The following ATG7 variants were observed in gnomAD, a reference collection of about 807,000 sequenced individuals.
ATG7 encodes the protein autophagy related 7.
In ATG7, 70 loss-of-function variants were observed where a neutral mutation model predicts 82.4. That is an observed-to-expected ratio of 0.85 (90% CI 0.70 to 1.04). The LOEUF is 1.04. Ranked by LOEUF, ATG7 falls within the 50% of genes least tolerant of loss-of-function variation. ATG7 has a pLI of 0.00. For missense variants in ATG7, 792 were observed against 864.3 expected (o/e 0.92, Z 1.05); for synonymous variants, 287 against 313.0 (o/e 0.92, Z 0.88).
At chr3:11,396,405 C>T (rs2079277319) in intron 19 of ATG7, among the ~76,000 whole-genome samples, 1 of 151,976 alleles carries the variant, frequency 6.6e-6, no homozygotes, top group South Asian at 2.1e-4. Context: ...GTGCCCTGTA[C>T]CCCAGCCTGA....
intron 20 of ATG7, among the ~76,000 whole-genome samples, chr3:11,475,735 A>C (rs2088091313): frequency 6.6e-6 from 1 of 152,114 alleles, no homozygotes; most frequent in African/African-American, 2.4e-5. Flanking sequence ...TTGAATTCCT[A>C]TACCTGCTAG....
intron 18 of ATG7, among the ~76,000 whole-genome samples, chr3:11,370,036 T>G (rs1297939293): frequency 6.6e-6 from 1 of 151,090 alleles, no homozygotes; most frequent in African/African-American, 2.4e-5. Flanking sequence ...TTTATATCTG[T>G]AAAATGGGGA....
chr3:11,363,052 A>AAACAAG, intron 17 of ATG7, 124 bp downstream of exon 17: 1 of 846,546 alleles, frequency 1.2e-6, no homozygotes, highest in East Asian at 2.8e-5. Context: ...ACCCTCAAAA[A>AAACAAG]AACAAGACTA....
intron 14 of ATG7, among the ~76,000 whole-genome samples, chr3:11,354,661 AAAAAAAAAAAAAAAGATGTTGGATT>A (rs1357660799): frequency 1.3e-5 from 2 of 151,670 alleles, no homozygotes; most frequent in African/African-American, 4.8e-5. Context: ...AAAAAAAAAA[AAAAAAAAAAAAAAAGATGTTGGATT>A]ATGGAGCCAC....
At chr3:11,423,850 T>C (rs1001716976) in intron 19 of ATG7, among the ~76,000 whole-genome samples, 1 of 152,200 alleles carries the variant, frequency 6.6e-6, no homozygotes, top group African/African-American at 2.4e-5. Context: ...TTGATCCTTA[T>C]TCTGCCAGTC....
At chr3:11,338,858 C>T (rs922690471) in intron 11 of ATG7, among the ~76,000 whole-genome samples, 22 of 152,018 alleles carry the variant, frequency 1.4e-4, no homozygotes, top group African/African-American at 4.8e-4. Context: ...AACAAAAGAT[C>T]GTGTAAAGGA....
At chr3:11,293,556 G>A (rs1287979418) in intron 3 of ATG7, among the ~76,000 whole-genome samples, 2 of 146,324 alleles carry the variant, frequency 1.4e-5, no homozygotes, top group Non-Finnish European at 3.0e-5. Context: ...AAGAAAGAAA[G>A]TGAATGACTG....
At chr3:11,521,564 T>G (rs1399290214) in intron 20 of ATG7, among the ~76,000 whole-genome samples, 2 of 151,032 alleles carry the variant, frequency 1.3e-5, no homozygotes, top group African/African-American at 4.9e-5. Flanking sequence ...TTTGTTTTTT[T>G]TTTTTTAAGA....
intron 20 of ATG7, among the ~76,000 whole-genome samples, chr3:11,465,082 A>C (rs1187549847): frequency 1.1e-5 from 1 of 90,848 alleles, no homozygotes; most frequent in Non-Finnish European, 2.2e-5. Flanking sequence ...ATCTCTAAAA[A>C]CCTAAAGTGT....
intron 20 of ATG7, among the ~76,000 whole-genome samples, chr3:11,515,944 T>G (rs1334661520): frequency 1.3e-5 from 2 of 151,240 alleles, no homozygotes; most frequent in Non-Finnish European, 2.9e-5. Context: ...TTGGGTAGTG[T>G]GTGCTGAAGA....
chr3:11,293,933 G>A (rs544160794), intron 3 of ATG7, among the ~76,000 whole-genome samples: 3 of 149,664 alleles, frequency 2.0e-5, no homozygotes, highest in Non-Finnish European at 4.4e-5. Context: ...CAGGAGAATC[G>A]CTTGAACCTG....
intron 20 of ATG7, among the ~76,000 whole-genome samples, chr3:11,462,868 T>C (rs1290616140): frequency 6.7e-6 from 1 of 148,496 alleles, no homozygotes; most frequent in African/African-American, 2.5e-5. Context: ...TTTATTTATT[T>C]ATTTATTTAT....
intron 20 of ATG7, among the ~76,000 whole-genome samples, chr3:11,549,688 C>T (rs975879522): frequency 1.1e-4 from 17 of 152,230 alleles, no homozygotes; most frequent in African/African-American, 4.1e-4. Flanking sequence ...CTGAGTAAGA[C>T]TGCTGCGGAC....
At chr3:11,414,884 G>C (rs1054232058) in intron 19 of ATG7, among the ~76,000 whole-genome samples, 1 of 152,208 alleles carries the variant, frequency 6.6e-6, no homozygotes, top group Non-Finnish European at 1.5e-5. Flanking sequence ...AACCAGGCTT[G>C]TGCACCTGGG....
chr3:11,492,883 G>C (rs1160264306), intron 20 of ATG7, among the ~76,000 whole-genome samples: 1 of 152,226 alleles, frequency 6.6e-6, no homozygotes, highest in Non-Finnish European at 1.5e-5. Flanking sequence ...CCAGGTGGGG[G>C]TGCCTGAAAC....
At chr3:11,444,342 G>T (rs943816221) in intron 20 of ATG7, among the ~76,000 whole-genome samples, 16 of 152,114 alleles carry the variant, frequency 1.1e-4, no homozygotes, top group Non-Finnish European at 1.6e-4. Flanking sequence ...CTCCTAGGGG[G>T]ATAATTTAAT....
intron 20 of ATG7, among the ~76,000 whole-genome samples, chr3:11,477,610 A>AG (rs2088404077): frequency 6.6e-6 from 1 of 152,240 alleles, no homozygotes; most frequent in Non-Finnish European, 1.5e-5. Flanking sequence ...TCCAAAGTTA[A>AG]GATGGCCCTC....
rs539946500 is a variant in ATG7, at chr3:11,347,886, G to A, written c.1135G>A (p.Val379Met). 1.3e-5 allele frequency: 21 copies of A among 1,613,766 alleles called. No homozygotes were observed. Among genetic ancestry groups the A allele is most frequent in the Middle Eastern group, 1.7e-4 (1 of 6,036 alleles). ...NVARTLMGWG[V>M]RHITFVDNAK... ...TCCTGTTTCCACACAGGGTTGGGGC[G>A]TGAGACACATCACATTTGTGGACAA... The change falls in exon 14 of 21, where the codon GTG becomes ATG. Residue 379 changes from valine to methionine, a missense_variant. Physicochemically the swap from Val to Met is conservative, Grantham distance 21 (BLOSUM62 1). Coordinates refer to ENST00000693202, the MANE Select transcript of ATG7 (RefSeq NM_001349232.2).
At chr3:11,498,500 A>C (rs912827673) in intron 20 of ATG7, among the ~76,000 whole-genome samples, 1 of 152,038 alleles carries the variant, frequency 6.6e-6, no homozygotes, top group Non-Finnish European at 1.5e-5. Flanking sequence ...TCATTCCTCC[A>C]ATCCATCCAC....
Sources: allele counts gnomAD v4.1 joint callset (sites outside exome capture counted in the v4.1 genomes callset), GRCh38; gene constraint gnomAD v4.1.1; transcripts MANE v1.5; gene names NCBI Gene and HGNC (gene_info 2026-07-23, HGNC 2026-07-21).